CTNNA1: variants seen among roughly 807,000 people sequenced by gnomAD.
CTNNA1 encodes catenin alpha-1.
In CTNNA1, 37 loss-of-function variants were observed where a neutral mutation model predicts 98.4. That is an observed-to-expected ratio of 0.38 (90% CI 0.29 to 0.49). The LOEUF (loss-of-function observed/expected upper bound fraction) is 0.49. Among genes scored for constraint, CTNNA1 ranks in the 20% least tolerant of loss-of-function variants. CTNNA1 has a pLI of 0.95. For missense variants in CTNNA1, 761 were observed against 1,147.2 expected (o/e 0.66, Z 4.86); for synonymous variants, 404 against 413.2 (o/e 0.98, Z 0.27).
At position 138,934,980 on chromosome 5, in the gene CTNNA1, A is replaced by ATGT. The variant is rs1233732546; in HGVS notation, c.*893_*895dup. On this transcript the variant is annotated 3_prime_UTR_variant, in exon 18 of 18. Transcript: ENST00000302763. ...ATTTAAATTTTATGAATTAATTTGA[A>ATGT]TGTTTTTTACACTAACTAACTTTTC... 6.6e-6 allele frequency: 1 copy of ATGT among 152,276 alleles called. No homozygotes were observed. The highest frequency in any genetic ancestry group is 1.9e-4 in the East Asian group (1 of 5,202). 9.4% of individuals were successfully genotyped at this position (152,276 alleles called of 1,614,324 possible). A position where few individuals can be genotyped will look rare whatever the true frequency, so the allele number is the denominator to read the frequency against.
At chr5:138,788,827 T>C (rs1353189873) in intron 3 of CTNNA1, among the ~76,000 whole-genome samples, 1 of 152,170 alleles carries the variant, frequency 6.6e-6, no homozygotes, top group East Asian at 1.9e-4. Flanking sequence ...GAACAGCTTC[T>C]TACTAGAACA....
chr5:138,931,965 ACT>A (rs1765446235), intron 16 of CTNNA1: 3 of 984,706 alleles, frequency 3.0e-6, no homozygotes, highest in Non-Finnish European at 3.6e-6. Flanking sequence ...AGCCTCTAAA[ACT>A]CTGAGATGTG....
intron 11 of CTNNA1, among the ~76,000 whole-genome samples, chr5:138,918,605 T>C (rs1451799292): frequency 2.0e-5 from 3 of 152,234 alleles, no homozygotes; most frequent in Non-Finnish European, 4.4e-5. Context: ...GGTAATGACT[T>C]AGTAAATTGC....
chr5:138,776,794 C>T (rs1167610426), intron 1 of CTNNA1, among the ~76,000 whole-genome samples: 10 of 144,086 alleles, frequency 6.9e-5, no homozygotes, highest in Admixed American at 1.4e-4. Flanking sequence ...GCTGGCCAGG[C>T]GGGGGGCTGA....
intron 13 of CTNNA1, among the ~76,000 whole-genome samples, chr5:138,926,520 G>A (rs548568797): frequency 7.2e-5 from 11 of 152,004 alleles, no homozygotes; most frequent in African/African-American, 1.2e-4. Flanking sequence ...TGCCGATTTC[G>A]TTGAGGATAC....
At chr5:138,929,734 A>G (rs1764903676) in intron 14 of CTNNA1, among the ~76,000 whole-genome samples, 1 of 152,258 alleles carries the variant, frequency 6.6e-6, no homozygotes, top group Non-Finnish European at 1.5e-5. Flanking sequence ...GGTTTAAAAA[A>G]TAACAGTGGT....
At chr5:138,907,085 G>A (rs1759426888) in intron 10 of CTNNA1, among the ~76,000 whole-genome samples, 1 of 152,110 alleles carries the variant, frequency 6.6e-6, no homozygotes, top group African/African-American at 2.4e-5. Context: ...GCAGTAGCAT[G>A]ATCTCTGCTC....
chr5:138,793,989 T>A (rs1756651514), intron 3 of CTNNA1, among the ~76,000 whole-genome samples: 2 of 151,158 alleles, frequency 1.3e-5, no homozygotes, highest in African/African-American at 4.9e-5. Context: ...TAACTTCATA[T>A]TAAATGTTTA....
chr5:138,779,687 C>T (rs1383702228), intron 1 of CTNNA1, among the ~76,000 whole-genome samples: 1 of 151,028 alleles, frequency 6.6e-6, no homozygotes, highest in African/African-American at 2.4e-5. Context: ...GAAATAAATA[C>T]TTGGGCACTG....
In CTNNA1 at chr5:138,901,568, G is replaced by A. The variant is rs186920898; in HGVS notation, c.1297-2781G>A. On this transcript the variant is annotated intron_variant, in intron 9 of 17. Transcript: ENST00000302763. ...GCCTTCCAATTAGCTGGGACTATAG[G>A]TGCGTGCCACCACACCCAGCCAATG... Among the ~76,000 whole-genome samples, 268 of 152,208 alleles carry A rather than the reference G, an allele frequency of 1.8e-3. 1 individual carries two copies. Among genetic ancestry groups the A allele is most frequent in the African/African-American group, 5.8e-3 (239 of 41,504 alleles).
At chr5:138,788,948 A>G (rs942862139) in intron 3 of CTNNA1, among the ~76,000 whole-genome samples, 2 of 152,208 alleles carry the variant, frequency 1.3e-5, no homozygotes, top group Non-Finnish European at 2.9e-5. Flanking sequence ...TTTCTGGGTC[A>G]GTGAAGGGGG....
rs1011319774 is a variant in CTNNA1, at chr5:138,767,230, G to T, written c.-3+13720G>T. On this transcript the variant is annotated intron_variant, in intron 1 of 17. Coordinates refer to ENST00000302763, the MANE Select transcript of CTNNA1 (RefSeq NM_001903.5). ...TTTTGTATTTTTTAGTAGAGACAGG[G>T]TTTCACTGTGTTAGCCAGGATGGTC... 6.6e-5 allele frequency among the ~76,000 whole-genome samples: 10 copies of T among 152,214 alleles called. 1 individual carries two copies. The highest frequency in any genetic ancestry group is 6.5e-4 in the Admixed American group (10 of 15,268).
chr5:138,886,383 T>C, intron 8 of CTNNA1, 91 bp downstream of exon 8: 1 of 1,324,428 alleles, frequency 7.6e-7, no homozygotes, highest in Non-Finnish European at 1.0e-6. Context: ...TTATATTTTT[T>C]TATTGAGAGA....
At position 138,874,978 on chromosome 5, in the gene CTNNA1, A is replaced by C. The variant is rs1440189084; in HGVS notation, c.1063-11234A>C. 1.3e-6 allele frequency: 2 copies of C among 1,563,256 alleles called. No individual in the cohort carries two copies. Among genetic ancestry groups the C allele is most frequent in the African/African-American group, 2.7e-5 (2 of 73,732 alleles). The stretch of plus-strand genomic sequence containing the variant: ...AGACTCAACGCAGTGAGTCTGTAAA[A>C]GGCTCTAACATGTAGGAGCCTTTGA... On this transcript the variant is annotated intron_variant, in intron 7 of 17. Coordinates refer to ENST00000302763, the MANE Select transcript of CTNNA1 (RefSeq NM_001903.5). This position sits in a 1 kb window ranked among gnomAD's most constrained non-coding sequence, Gnocchi z 4.1.
intron 11 of CTNNA1, among the ~76,000 whole-genome samples, chr5:138,920,403 C>A (rs544442414): frequency 2.0e-5 from 3 of 152,352 alleles, no homozygotes; most frequent in East Asian, 3.9e-4. Context: ...CACATCTTGG[C>A]CCTGACGTGG....
chr5:138,908,753 C>A (rs924382127), intron 10 of CTNNA1, among the ~76,000 whole-genome samples: 1 of 152,054 alleles, frequency 6.6e-6, no homozygotes, highest in East Asian at 1.9e-4. Context: ...CATTTTTTGG[C>A]GATTTGTTAT....
intron 17 of CTNNA1, among the ~76,000 whole-genome samples, chr5:138,933,518 A>C (rs1765875625): frequency 6.6e-6 from 1 of 152,096 alleles, no homozygotes; most frequent in African/African-American, 2.4e-5. Context: ...AGTGACTTCC[A>C]GTTGGTTTGA....
At chr5:138,773,498 G>A (rs1377678183) in intron 1 of CTNNA1, among the ~76,000 whole-genome samples, 2 of 152,104 alleles carry the variant, frequency 1.3e-5, no homozygotes, top group African/African-American at 2.4e-5. Flanking sequence ...TCAAGTGAAG[G>A]AAAAAACAAA....
In CTNNA1 at chr5:138,805,610, T is replaced by TTTTGTTTG. The variant is rs1161816716; in HGVS notation, c.302-4416_302-4409dup. On this transcript the variant is annotated intron_variant, in intron 3 of 17. Transcript: ENST00000302763. ...ATTTTAAGTTGGATTATTGGTCTAT[T>TTTTGTTTG]TTTGTTTGTTTGTTTGTTTTTAAAG... Among the ~76,000 whole-genome samples, 4 of 152,116 alleles carry TTTTGTTTG rather than the reference T, an allele frequency of 2.6e-5. No homozygotes were observed. In the East Asian group the frequency reaches 7.7e-4, roughly 29 times the overall value.
Sources: allele counts gnomAD v4.1 joint callset (sites outside exome capture counted in the v4.1 genomes callset), GRCh38; gene constraint gnomAD v4.1.1; non-coding constraint Gnocchi (gnomAD v3.1); transcripts MANE v1.5; gene names NCBI Gene and HGNC (gene_info 2026-07-23, HGNC 2026-07-21).